The following SQLE variants were observed in gnomAD, a reference collection of about 807,000 sequenced individuals.
SQLE encodes the protein squalene monooxygenase.
SQLE carries 29 observed loss-of-function variants against 60.7 expected under a neutral mutation model. The ratio of observed to expected loss-of-function variants is 0.48; its 90% confidence interval spans 0.36 to 0.65. SQLE has a LOEUF of 0.65. Ranked by LOEUF, SQLE falls within the 30% of genes least tolerant of loss-of-function variation. The pLI is 0.00. For synonymous variants in SQLE, 237 were observed against 246.8 expected (o/e 0.96, Z 0.37); for missense variants, 605 against 684.1 (o/e 0.88, Z 1.29).
chr8:125,004,604 A>T (rs1434380639), intron 2 of SQLE, among the ~76,000 whole-genome samples: 1 of 151,884 alleles, frequency 6.6e-6, no homozygotes, highest in African/African-American at 2.4e-5. Flanking sequence ...TGATTTGTTC[A>T]CTGTTTCTAT....
intron 3 of SQLE, among the ~76,000 whole-genome samples, chr8:125,006,950 A>G (rs533661533): frequency 1.6e-4 from 25 of 152,154 alleles, no homozygotes; most frequent in African/African-American, 3.4e-4. Context: ...TGATCCGCCC[A>G]CCTTGGCCTC....
intron 9 of SQLE, 94 bp from the exon 10 acceptor site, chr8:125,020,690 T>C (rs1815188895): frequency 1.3e-6 from 1 of 750,168 alleles, no homozygotes; most frequent in African/African-American, 1.8e-5. Context: ...ATCTGCAAGA[T>C]GTAGCGTTTG....
intron 8 of SQLE, 37 bp downstream of exon 8, chr8:125,018,238 G>T (rs1245508410): frequency 6.2e-7 from 1 of 1,606,150 alleles, no homozygotes; most frequent in Non-Finnish European, 8.5e-7. Context: ...GTCTCAAAAT[G>T]GATTTATTTC....
chr8:124,999,541 T>C lies in SQLE; in HGVS notation c.138T>C (p.Cys46=). 6.2e-7 allele frequency: 1 copy of C among 1,613,318 alleles called. No individual in the cohort carries two copies. The highest frequency in any genetic ancestry group is 8.5e-7 in the Non-Finnish European group (1 of 1,179,628). The stretch of plus-strand genomic sequence containing the variant: ...TGGGCCTGGTGCTCTCCTACCGCTG[T>C]CGCCACCGAAACGGGGGTCTCCTCG... ...LSLGLVLSYR[C]RHRNGGLLGR... The change falls in exon 1 of 11, where the codon TGT becomes TGC. Residue 46 remains cysteine (C), a synonymous_variant. Transcript: ENST00000265896.
chr8:125,012,192 A>C (rs1238153034), intron 7 of SQLE, among the ~76,000 whole-genome samples: 1 of 152,156 alleles, frequency 6.6e-6, no homozygotes, highest in Non-Finnish European at 1.5e-5. Flanking sequence ...TCAGAGTGGG[A>C]GACAGACCAT....
chr8:125,018,824 G>A, intron 9 of SQLE, 97 bp downstream of exon 9: 1 of 811,588 alleles, frequency 1.2e-6, no homozygotes, highest in Non-Finnish European at 1.9e-6. Context: ...AAATAAAAAT[G>A]TTACCTGAGT....
In SQLE at chr8:125,011,671, T is replaced by C. The variant is rs1183664585; in HGVS notation, c.1204+39T>C. 3.4e-6 allele frequency: 5 copies of C among 1,470,042 alleles called. No homozygotes were observed. In the South Asian group the frequency reaches 6.1e-5, roughly 18 times the overall value. 91.1% of individuals were successfully genotyped at this position (1,470,042 alleles called of 1,614,324 possible). A position where few individuals can be genotyped will look rare whatever the true frequency, so the allele number is the denominator to read the frequency against. ...GGCTTATTTTATAAAGGAATCAGTA[T>C]TCCAAATGACAAATATATGATTAAA... On this transcript the variant is annotated intron_variant, in intron 7 of 10. Coordinates refer to ENST00000265896, the MANE Select transcript of SQLE (RefSeq NM_003129.4).
intron 4 of SQLE, among the ~76,000 whole-genome samples, chr8:125,008,515 C>T (rs770783549): frequency 2.0e-5 from 3 of 152,224 alleles, no homozygotes; most frequent in Non-Finnish European, 4.4e-5. Context: ...TTTCTCTGCT[C>T]ATACTGTAGT....
intron 1 of SQLE, 199 bp downstream of exon 1, chr8:124,999,893 C>G: frequency 2.6e-6 from 2 of 759,970 alleles, no homozygotes; most frequent in Non-Finnish European, 4.5e-6. Flanking sequence ...ACATTTGTTT[C>G]ATTTAGCATT....
chr8:125,009,393 C>G (rs1815005852), intron 6 of SQLE, 50 bp downstream of exon 6: 3 of 1,511,632 alleles, frequency 2.0e-6, no homozygotes, highest in African/African-American at 2.8e-5. Flanking sequence ...TAAAATAGGC[C>G]AGAGATAAGG....
At chr8:125,008,835 T>C (rs769727418) in intron 4 of SQLE, 136 bp from the exon 5 acceptor site, 1 of 520,998 alleles carries the variant, frequency 1.9e-6, no homozygotes, top group Non-Finnish European at 3.1e-6. Flanking sequence ...GTTTCTTCAA[T>C]AGTATTATCT....
At chr8:125,018,528 C>T in intron 8 of SQLE, 103 bp from the exon 9 acceptor site, 1 of 745,874 alleles carries the variant, frequency 1.3e-6, no homozygotes, top group Non-Finnish European at 2.1e-6. Flanking sequence ...ATATTACTTG[C>T]AGATAGTCCT....
At position 124,998,822 on chromosome 8, in the gene SQLE, C is replaced by G. The variant is rs1012897023; in HGVS notation, c.-582C>G. On this transcript the variant is annotated 5_prime_UTR_variant, in exon 1 of 11. Transcript: ENST00000265896. Reference sequence around the variant, plus strand: ...GAAGGCGTCGGCGTTGGCGTTTTCCCGAGGTTGGGCTGTACAGTGTCTCCG... The same window carrying G: ...GAAGGCGTCGGCGTTGGCGTTTTCCGGAGGTTGGGCTGTACAGTGTCTCCG... The G allele has an allele frequency of 2.8e-5, 14 of 492,062 alleles. No homozygotes were observed. Among genetic ancestry groups the G allele is most frequent in the African/African-American group, 1.4e-4 (7 of 48,974 alleles). 30.5% of individuals were successfully genotyped at this position (492,062 alleles called of 1,614,324 possible).
intron 7 of SQLE, among the ~76,000 whole-genome samples, chr8:125,017,174 C>T (rs926724947): frequency 6.6e-6 from 1 of 152,044 alleles, no homozygotes; most frequent in Non-Finnish European, 1.5e-5. Context: ...AGCACAAATC[C>T]AGCCAGGCTT....
Position 125,000,314 on chromosome 8 carries a change from G to A in SQLE, c.291+620G>A, listed in dbSNP as rs142944342. ...AGAGGCGGCCACTGGGAGAAGATGA[G>A]GGGGAAGAGTTTAGGCCAGATCATT... On this transcript the variant is annotated intron_variant, in intron 1 of 10. Transcript: ENST00000265896. Among the ~76,000 whole-genome samples, 355 of 152,340 alleles carry A rather than the reference G, an allele frequency of 2.3e-3. 1 individual carries two copies. Among genetic ancestry groups the A allele is most frequent in the African/African-American group, 7.2e-3 (301 of 41,564 alleles).
chr8:125,009,988 C>T (rs1815015745), intron 6 of SQLE, among the ~76,000 whole-genome samples: 1 of 152,160 alleles, frequency 6.6e-6, no homozygotes, highest in African/African-American at 2.4e-5. Flanking sequence ...TTCTTGAATG[C>T]TTACTATAAA....
chr8:125,010,200 C>G (rs1815017746), intron 6 of SQLE, among the ~76,000 whole-genome samples: 1 of 152,184 alleles, frequency 6.6e-6, no homozygotes, highest in Admixed American at 6.5e-5. Flanking sequence ...CAGACATGTC[C>G]TGTCCGCAGA....
At chr8:125,006,451 T>A (rs979043319) in intron 3 of SQLE, among the ~76,000 whole-genome samples, 1 of 151,600 alleles carries the variant, frequency 6.6e-6, no homozygotes, top group Admixed American at 6.6e-5. Context: ...AAACCCCGTC[T>A]CTACTAAAAA....
chr8:125,007,574 GT>G, intron 4 of SQLE, 87 bp downstream of exon 4: 2 of 799,620 alleles, frequency 2.5e-6, no homozygotes, highest in Non-Finnish European at 3.9e-6. Context: ...AGGCTTACCG[GT>G]TTACATGTTG....
Sources: allele counts gnomAD v4.1 joint callset (sites outside exome capture counted in the v4.1 genomes callset), GRCh38; gene constraint gnomAD v4.1.1; transcripts MANE v1.5; gene names NCBI Gene and HGNC (gene_info 2026-07-23, HGNC 2026-07-21).